Variants in MAP2K5 observed in about 807,000 individuals in gnomAD.
MAP2K5 encodes the protein dual specificity mitogen-activated protein kinase kinase 5.
A neutral mutation model predicts 83.1 loss-of-function variants in MAP2K5; 49 were observed. The ratio of observed to expected loss-of-function variants is 0.59; its 90% CI spans 0.47 to 0.75. MAP2K5 has a LOEUF of 0.75. Ranked by LOEUF, MAP2K5 falls within the 30% of genes least tolerant of loss-of-function variation. MAP2K5 has a pLI of 0.00. For synonymous variants in MAP2K5, 202 were observed against 191.8 expected, an observed-to-expected ratio of 1.05 and a Z score of -0.44; for missense variants, 457 against 557.5, an observed-to-expected ratio of 0.82 and a Z score of 1.82.
At chr15:67,556,195 C>A (rs2084620608) in intron 2 of MAP2K5, among the ~76,000 whole-genome samples, 1 of 152,182 alleles carries the variant, frequency 6.6e-6, no homozygotes, top group Non-Finnish European at 1.5e-5. Flanking sequence ...TTAAGGTTGG[C>A]CCTTTGTCTT....
chr15:67,624,856 C>T (rs1003576382), intron 8 of MAP2K5, among the ~76,000 whole-genome samples: 1 of 152,254 alleles, frequency 6.6e-6, no homozygotes, highest in African/African-American at 2.4e-5. Context: ...GTCTTGAACT[C>T]CTGACCTCAG....
intron 2 of MAP2K5, among the ~76,000 whole-genome samples, chr15:67,554,027 A>G (rs2140951091): frequency 6.6e-6 from 1 of 152,270 alleles, no homozygotes; most frequent in East Asian, 1.9e-4. Flanking sequence ...CCTTGAATAA[A>G]TACAACTTTA....
chr15:67,729,724 A>C (rs897771529), intron 17 of MAP2K5, among the ~76,000 whole-genome samples: 7 of 152,196 alleles, frequency 4.6e-5, no homozygotes, highest in Non-Finnish European at 1.0e-4. Flanking sequence ...AGATCACGCC[A>C]CTGCACTCCA....
At chr15:67,622,020 C>T (rs2086198008) in intron 8 of MAP2K5, among the ~76,000 whole-genome samples, 1 of 151,698 alleles carries the variant, frequency 6.6e-6, no homozygotes, top group Non-Finnish European at 1.5e-5. Context: ...ACCGCCTCTA[C>T]TAAAAATACA....
intron 17 of MAP2K5, among the ~76,000 whole-genome samples, chr15:67,737,975 C>T (rs1400614779): frequency 2.7e-5 from 4 of 149,730 alleles, no homozygotes; most frequent in African/African-American, 9.8e-5. Flanking sequence ...CCTCAGCCTC[C>T]CGAGTAGCTG....
intron 9 of MAP2K5, chr15:67,641,690 A>G (rs1199956022): frequency 1.2e-6 from 1 of 830,766 alleles, no homozygotes; most frequent in Non-Finnish European, 1.5e-6. Context: ...CCCTTTCTCC[A>G]TGGAATGCTT....
chr15:67,800,470 A>G (rs918219745), intron 21 of MAP2K5, among the ~76,000 whole-genome samples: 2 of 152,230 alleles, frequency 1.3e-5, no homozygotes, highest in African/African-American at 2.4e-5. Flanking sequence ...TTGTCTCAGC[A>G]CAGTGTCAAG....
chr15:67,800,338 T>A (rs1464095434), intron 21 of MAP2K5, among the ~76,000 whole-genome samples: 1 of 152,192 alleles, frequency 6.6e-6, no homozygotes. Context: ...AATGTATTAG[T>A]ATCCATTGTA....
chr15:67,624,639 G>A (rs74603813), intron 8 of MAP2K5, among the ~76,000 whole-genome samples: 2 of 122,870 alleles, frequency 1.6e-5, no homozygotes, highest in African/African-American at 3.1e-5. Flanking sequence ...GTGTGTGTGT[G>A]AGTGTGTTTG....
intron 9 of MAP2K5, chr15:67,642,454 T>C: frequency 6.2e-7 from 1 of 1,611,170 alleles, no homozygotes; most frequent in African/African-American, 1.3e-5. Context: ...AATGTACATA[T>C]TGAGGGCCAG....
At chr15:67,727,818 T>G in intron 16 of MAP2K5, 98 bp from the exon 17 acceptor site, 1 of 864,736 alleles carries the variant, frequency 1.2e-6, no homozygotes, top group Non-Finnish European at 2.0e-6. Context: ...TTTTTTATAT[T>G]TGCTGGATGC....
chr15:67,757,783 C>T lies in MAP2K5; in HGVS notation c.1134+9182C>T, dbSNP rs950332233. Among the ~76,000 whole-genome samples, 8 of 151,888 alleles carry T rather than the reference C, an allele frequency of 5.3e-5. No homozygotes were observed. Among genetic ancestry groups the T allele is most frequent in the Non-Finnish European group, 1.2e-4 (8 of 67,990 alleles). The stretch of plus-strand genomic sequence containing the variant: ...AACCACTCACATAAATGGGTATTTA[C>T]GATATGGTATTTAATGATGTTTGTA... On this transcript the variant is annotated intron_variant, in intron 19 of 21. Transcript: ENST00000178640. The surrounding 1 kb of genome is among the most constrained non-coding windows in gnomAD (Gnocchi z 4.9).
In MAP2K5 at chr15:67,693,196, G is replaced by C. The variant is rs1163410514; in HGVS notation, c.922-322G>C. 2.0e-5 allele frequency among the ~76,000 whole-genome samples: 3 copies of C among 152,204 alleles called. No homozygotes were observed. The East Asian group carries it at 5.8e-4, about 29-fold the overall frequency. On this transcript the variant is annotated intron_variant, in intron 14 of 21. Coordinates refer to ENST00000178640, the MANE Select transcript of MAP2K5 (RefSeq NM_145160.3). ...ATCTTGAGCCATCTGACTAAAAATTGAGTGTGTTCAAATTCTGCTTTAAAT... is the reference window on the plus strand; with the variant it reads ...ATCTTGAGCCATCTGACTAAAAATTCAGTGTGTTCAAATTCTGCTTTAAAT...
At chr15:67,798,322 C>T (rs1477898355) in intron 21 of MAP2K5, among the ~76,000 whole-genome samples, 1 of 152,234 alleles carries the variant, frequency 6.6e-6, no homozygotes, top group Non-Finnish European at 1.5e-5. Context: ...CTATCCAAGG[C>T]CCCTGCCAGA....
At chr15:67,733,938 A>G (rs776642570) in intron 17 of MAP2K5, among the ~76,000 whole-genome samples, 7 of 152,244 alleles carry the variant, frequency 4.6e-5, no homozygotes, top group Non-Finnish European at 7.3e-5. Context: ...TCAAAGTATG[A>G]GAGGAGCTGT....
rs1013766487 is a variant in MAP2K5, at chr15:67,698,250, C to T, written c.972+4682C>T. 6.6e-6 allele frequency among the ~76,000 whole-genome samples: 1 copy of T among 151,930 alleles called. No individual in the cohort carries two copies. The highest frequency in any genetic ancestry group is 6.6e-5 in the Admixed American group (1 of 15,258). On this transcript the variant is annotated intron_variant, in intron 15 of 21. Transcript: ENST00000178640. The surrounding 1 kb of genome is among the most constrained non-coding windows in gnomAD (Gnocchi z 4.5). ...TGTCCCCCAGGCTGGAGTGCAGTGGCGATTGCAGCTCACCGCAACCTCTGT... is the reference window on the plus strand; with the variant it reads ...TGTCCCCCAGGCTGGAGTGCAGTGGTGATTGCAGCTCACCGCAACCTCTGT...
In MAP2K5 at chr15:67,668,128, G is replaced by T. The variant is rs1353742688; in HGVS notation, c.847+3483G>T. 6.6e-6 allele frequency among the ~76,000 whole-genome samples: 1 copy of T among 152,272 alleles called. No individual in the cohort carries two copies. Among genetic ancestry groups the T allele is most frequent in the East Asian group, 1.9e-4 (1 of 5,190 alleles). On this transcript the variant is annotated intron_variant, in intron 13 of 21. Coordinates refer to ENST00000178640, the MANE Select transcript of MAP2K5 (RefSeq NM_145160.3). The surrounding 1 kb of genome is among the most constrained non-coding windows in gnomAD (Gnocchi z 4.0). Reference sequence around the variant, plus strand: ...CTATTGTTTATTTTGCTCTTTTTAAGATTTGGTTGAGATATATGTGCAGGG... The same window carrying T: ...CTATTGTTTATTTTGCTCTTTTTAATATTTGGTTGAGATATATGTGCAGGG...
rs2087716936 is a variant in MAP2K5 at position 67,677,836 on chromosome 15, A to G, written c.847+13191A>G. On this transcript the variant is annotated intron_variant, in intron 13 of 21. Coordinates refer to ENST00000178640, the MANE Select transcript of MAP2K5 (RefSeq NM_145160.3). The surrounding 1 kb of genome is among the most constrained non-coding windows in gnomAD (Gnocchi z 4.2). The stretch of plus-strand genomic sequence containing the variant: ...TTTTTGCCCTTGTTATTAATCTTGT[A>G]AGTGTCCCAGGTACCCTGCCTTTAT... Among the ~76,000 whole-genome samples the G allele has an allele frequency of 6.6e-6, 1 of 152,216 alleles. No homozygotes were observed. Among genetic ancestry groups the G allele is most frequent in the Admixed American group, 6.5e-5 (1 of 15,282 alleles).
At chr15:67,604,181 G>A (rs768083908) in intron 8 of MAP2K5, among the ~76,000 whole-genome samples, 1 of 152,202 alleles carries the variant, frequency 6.6e-6, no homozygotes, top group African/African-American at 2.4e-5. Context: ...GTCTCCTGAC[G>A]AGCTGTGCTC....
Sources: gnomAD v4.1 joint callset for allele counts (sites outside exome capture counted in the v4.1 genomes callset) on GRCh38, gnomAD v4.1.1 for gene constraint, Gnocchi (gnomAD v3.1) non-coding constraint, MANE v1.5 for transcripts, NCBI Gene and HGNC (gene_info 2026-07-23, HGNC 2026-07-21) for gene names.